The following PRELID2 variants were observed in gnomAD, a reference collection of about 807,000 sequenced individuals.
The protein encoded by PRELID2 is PRELI domain-containing protein 2.
In PRELID2, 25 loss-of-function variants were observed where a neutral mutation model predicts 28.4. That is an observed-to-expected ratio of 0.88 (90% CI 0.64 to 1.23). The LOEUF is 1.23. Ranked by LOEUF, PRELID2 falls within the 50% of genes most tolerant of loss-of-function variation. The pLI, the probability that PRELID2 is intolerant of heterozygous loss-of-function variation, is 0.00. For synonymous variants in PRELID2, 76 were observed against 71.6 expected (o/e 1.06, Z -0.31); for missense variants, 201 against 214.4 (o/e 0.94, Z 0.39).
intron 4 of PRELID2, among the ~76,000 whole-genome samples, chr5:145,796,992 A>C (rs1752799379): frequency 6.6e-6 from 1 of 152,182 alleles, no homozygotes; most frequent in Admixed American, 6.5e-5. Flanking sequence ...ACTATTACTA[A>C]AGAGAGTCAG....
At chr5:145,696,062 TATATAA>T (rs1366701363) in intron 1 of PRELID2, among the ~76,000 whole-genome samples, 9 of 151,698 alleles carry the variant, frequency 5.9e-5, no homozygotes, top group African/African-American at 9.7e-5. Context: ...TAAATATGCA[TATATAA>T]ATATAACTCT....
At chr5:145,639,222 C>T (rs989928303) in intron 1 of PRELID2, among the ~76,000 whole-genome samples, 2 of 151,958 alleles carry the variant, frequency 1.3e-5, no homozygotes, top group African/African-American at 4.8e-5. Context: ...ACTTTGGGCC[C>T]TATTATTTTG....
chr5:145,720,703 A>G (rs1755964496), intron 1 of PRELID2, among the ~76,000 whole-genome samples: 1 of 152,054 alleles, frequency 6.6e-6, no homozygotes, highest in African/African-American at 2.4e-5. Flanking sequence ...ATAATTTTAG[A>G]TTTAAGACTA....
At chr5:145,533,636 T>C (rs780067583) in intron 1 of PRELID2, among the ~76,000 whole-genome samples, 29 of 152,090 alleles carry the variant, frequency 1.9e-4, no homozygotes, top group Non-Finnish European at 2.9e-4. Flanking sequence ...TAGTGACTTA[T>C]CTAAGTTTTC....
the PRELID2 span, among the ~76,000 whole-genome samples, chr5:145,286,026 AG>A: frequency 3.9e-5 from 6 of 152,188 alleles, no homozygotes; most frequent in Admixed American, 2.6e-4. Context: ...AAAACCAGTT[AG>A]CCATTTGGCT....
chr5:145,509,458 C>T lies in PRELID2; in HGVS notation n.71-36143G>A, dbSNP rs954918942. Among the ~76,000 whole-genome samples the T allele has an allele frequency of 3.9e-5, 6 of 152,314 alleles. No homozygotes were observed. The East Asian group carries it at 1.2e-3, about 29-fold the overall frequency. Reference sequence around the variant, plus strand: ...TTTTAGAGAGGCAAGGTCACCCAGGCTGCCCTGCACAACAGCAGAAAATTT... The same window carrying T: ...TTTTAGAGAGGCAAGGTCACCCAGGTTGCCCTGCACAACAGCAGAAAATTT... On this transcript the variant is annotated intron_variant and non_coding_transcript_variant, in intron 1 of 2. Transcript: ENST00000510259.
the PRELID2 span, among the ~76,000 whole-genome samples, chr5:145,294,046 C>T: frequency 0.012 from 1,816 of 152,228 alleles, 25 homozygotes; most frequent in African/African-American, 0.04. Context: ...AAACTCCTCT[C>T]TCTACTCGAT....
At chr5:145,257,693 A>G in the PRELID2 span, among the ~76,000 whole-genome samples, 1 of 152,214 alleles carries the variant, frequency 6.6e-6, no homozygotes, top group Non-Finnish European at 1.5e-5. Context: ...TGTTTTGTTA[A>G]TATTAGAAGT....
chr5:145,793,531 T>C (rs1286800458), intron 5 of PRELID2, among the ~76,000 whole-genome samples: 3 of 152,124 alleles, frequency 2.0e-5, no homozygotes, highest in African/African-American at 4.8e-5. Context: ...CAGGCATAAA[T>C]GGCTCCTAAA....
the PRELID2 span, among the ~76,000 whole-genome samples, chr5:145,379,764 C>T: frequency 6.6e-6 from 1 of 152,106 alleles, no homozygotes; most frequent in Middle Eastern, 3.2e-3. Flanking sequence ...AAGGCTGGTA[C>T]ATGGTCACAG....
chr5:145,570,026 C>T (rs1753003308), intron 1 of PRELID2, among the ~76,000 whole-genome samples: 1 of 152,158 alleles, frequency 6.6e-6, no homozygotes, highest in African/African-American at 2.4e-5. Flanking sequence ...CGAGGGCTAT[C>T]ACATGCCTCT....
At chr5:145,495,962 A>G (rs751647570) in intron 1 of PRELID2, among the ~76,000 whole-genome samples, 1 of 152,180 alleles carries the variant, frequency 6.6e-6, no homozygotes, top group Non-Finnish European at 1.5e-5. Context: ...TTCCATTACC[A>G]TGTGCCCTTT....
At chr5:145,285,392 C>T in the PRELID2 span, among the ~76,000 whole-genome samples, 1 of 151,936 alleles carries the variant, frequency 6.6e-6, no homozygotes, top group Non-Finnish European at 1.5e-5. Context: ...CCCCGAAGCT[C>T]CCCCGCTCCG....
intron 1 of PRELID2, among the ~76,000 whole-genome samples, chr5:145,580,553 A>G (rs907890261): frequency 1.3e-5 from 2 of 152,072 alleles, no homozygotes; most frequent in Non-Finnish European, 2.9e-5. Context: ...GAGTAGAGCC[A>G]TAACACACTC....
the PRELID2 span, among the ~76,000 whole-genome samples, chr5:145,417,850 C>T: frequency 1.3e-5 from 2 of 152,146 alleles, no homozygotes; most frequent in African/African-American, 4.8e-5. Context: ...GCAAGGATGT[C>T]CTTTCTCACC....
the PRELID2 span, among the ~76,000 whole-genome samples, chr5:145,422,242 A>G: frequency 1.3e-5 from 2 of 150,480 alleles, no homozygotes; most frequent in Non-Finnish European, 3.0e-5. Flanking sequence ...GTAGATGTCT[A>G]TTAGGTCCGC....
the PRELID2 span, among the ~76,000 whole-genome samples, chr5:145,447,368 C>G: frequency 1.3e-5 from 2 of 151,342 alleles, no homozygotes; most frequent in African/African-American, 4.9e-5. Context: ...ATGAAAGATA[C>G]TGAATAAAGA....
chr5:145,680,640 AAG>A (rs983589446), intron 1 of PRELID2, among the ~76,000 whole-genome samples: 9 of 152,218 alleles, frequency 5.9e-5, no homozygotes, highest in Admixed American at 5.9e-4. Context: ...CCATGTAATT[AAG>A]AGAGAGAATT....
chr5:145,620,471 A>G, intron 1 of PRELID2, among the ~76,000 whole-genome samples: 1 of 152,140 alleles, frequency 6.6e-6, no homozygotes, highest in East Asian at 1.9e-4. Context: ...GATATTGAAA[A>G]TGGGGGATGC....
Sources: gnomAD v4.1 joint callset for allele counts (sites outside exome capture counted in the v4.1 genomes callset) on GRCh38, gnomAD v4.1.1 for gene constraint, MANE v1.5 for transcripts, NCBI Gene and HGNC (gene_info 2026-07-23, HGNC 2026-07-21) for gene names.